Variants in TMEM51 observed in about 807,000 individuals in gnomAD.
TMEM51 encodes the protein chromosome 1 open reading frame 72.
In TMEM51, 8 loss-of-function variants were observed where a neutral mutation model predicts 13.6. That is an observed-to-expected ratio of 0.59 (90% confidence interval 0.35 to 1.07). The LOEUF (loss-of-function observed/expected upper bound fraction) is 1.07, where lower values mean the gene tolerates loss of function less well. Ranked by LOEUF, TMEM51 falls within the 50% of genes least tolerant of loss-of-function variation. The pLI, the probability that TMEM51 is intolerant of heterozygous loss-of-function variation, is 0.02. For synonymous variants in TMEM51, 147 were observed against 144.4 expected, an observed-to-expected ratio of 1.02 and a Z score of -0.13; for missense variants, 279 against 330.7, an observed-to-expected ratio of 0.84 and a Z score of 1.21.
At chr1:15,160,094 TTA>T (rs1642724326) in intron 1 of TMEM51, among the ~76,000 whole-genome samples, 1 of 152,154 alleles carries the variant, frequency 6.6e-6, no homozygotes. Context: ...TTGGGCAATT[TTA>T]TGTCTTTTCC....
chr1:15,168,813 T>C, intron 1 of TMEM51: 1 of 1,280,230 alleles, frequency 7.8e-7, no homozygotes, highest in Non-Finnish European at 1.0e-6. Context: ...GGGGAATTCC[T>C]GGGAGTCAGA....
intron 1 of TMEM51, among the ~76,000 whole-genome samples, chr1:15,162,960 T>C (rs1266043449): frequency 6.6e-6 from 1 of 151,250 alleles, no homozygotes; most frequent in African/African-American, 2.5e-5. Context: ...GCAGTATGAA[T>C]GTACTTAATG....
chr1:15,202,078 A>C (rs951797469), intron 1 of TMEM51, among the ~76,000 whole-genome samples: 6 of 152,214 alleles, frequency 3.9e-5, no homozygotes, highest in African/African-American at 1.4e-4. Context: ...CTCAAGCACG[A>C]GAATACCTTT....
At chr1:15,176,877 T>C (rs1166787721) in intron 1 of TMEM51, among the ~76,000 whole-genome samples, 1 of 152,144 alleles carries the variant, frequency 6.6e-6, no homozygotes, top group Non-Finnish European at 1.5e-5. Flanking sequence ...GTTATCACCA[T>C]CAGCCAGGCC....
intron 1 of TMEM51, among the ~76,000 whole-genome samples, chr1:15,205,318 G>C (rs1644230218): frequency 6.6e-6 from 1 of 152,144 alleles, no homozygotes; most frequent in African/African-American, 2.4e-5. Context: ...TTTGGAGTCG[G>C]GGAGGGAAGC....
At chr1:15,169,910 T>G (rs756397035) in intron 1 of TMEM51, among the ~76,000 whole-genome samples, 1 of 152,240 alleles carries the variant, frequency 6.6e-6, no homozygotes, top group Non-Finnish European at 1.5e-5. Context: ...TAATTTTTAT[T>G]CCCTTTCTCC....
intron 1 of TMEM51, among the ~76,000 whole-genome samples, chr1:15,188,493 G>T (rs1017773341): frequency 2.0e-5 from 3 of 152,204 alleles, no homozygotes; most frequent in African/African-American, 4.8e-5. Context: ...ACCCAGGGCA[G>T]CCCAGCTCAC....
chr1:15,199,888 C>CGTAG (rs1321483704), intron 1 of TMEM51, among the ~76,000 whole-genome samples: 1 of 152,082 alleles, frequency 6.6e-6, no homozygotes, highest in African/African-American at 2.4e-5. Flanking sequence ...AAGTGGGGAC[C>CGTAG]GTAGCACTTC....
chr1:15,182,375 C>G (rs905902484), intron 1 of TMEM51, among the ~76,000 whole-genome samples: 3 of 152,130 alleles, frequency 2.0e-5, no homozygotes, highest in African/African-American at 7.2e-5. Flanking sequence ...CCTGCCCAAT[C>G]GGACTGTCGT....
chr1:15,162,265 C>T (rs1041875031), intron 1 of TMEM51, among the ~76,000 whole-genome samples: 7 of 152,056 alleles, frequency 4.6e-5, no homozygotes, highest in African/African-American at 9.7e-5. Flanking sequence ...TGGGTTCATG[C>T]GATTCTCATG....
chr1:15,194,064 A>G (rs1643995492), intron 1 of TMEM51, among the ~76,000 whole-genome samples: 1 of 152,254 alleles, frequency 6.6e-6, no homozygotes, highest in Admixed American at 6.5e-5. Flanking sequence ...GGCCTGTGCC[A>G]GGCTTGTTCT....
At chr1:15,169,395 T>C (rs572319606) in intron 1 of TMEM51, among the ~76,000 whole-genome samples, 37 of 151,646 alleles carry the variant, frequency 2.4e-4, no homozygotes, top group African/African-American at 7.5e-4. Flanking sequence ...TTTTTTTTTT[T>C]ACTTTGTCTT....
intron 1 of TMEM51, among the ~76,000 whole-genome samples, chr1:15,160,810 T>A (rs1404111749): frequency 1.3e-5 from 2 of 151,874 alleles, no homozygotes; most frequent in African/African-American, 4.9e-5. Context: ...TCCTGATACA[T>A]ATGGTATGCC....
At chr1:15,217,027 G>T (rs1455054826) in intron 3 of TMEM51, among the ~76,000 whole-genome samples, 1 of 152,122 alleles carries the variant, frequency 6.6e-6, no homozygotes, top group African/African-American at 2.4e-5. Context: ...CTTTATAGTG[G>T]GAAGGGAATT....
At chr1:15,172,451 G>A (rs1279397607) in intron 1 of TMEM51, among the ~76,000 whole-genome samples, 1 of 150,428 alleles carries the variant, frequency 6.6e-6, no homozygotes, top group East Asian at 1.9e-4. Context: ...GAATGGAAAG[G>A]AAGGAAGGAG....
chr1:15,198,104 T>C (rs1387748483), intron 1 of TMEM51, among the ~76,000 whole-genome samples: 1 of 152,146 alleles, frequency 6.6e-6, no homozygotes, highest in African/African-American at 2.4e-5. Flanking sequence ...GCTCTGCCAG[T>C]CTCTACCTCA....
rs902338709 is a variant in TMEM51 at position 15,213,848 on chromosome 1, CT to C, written c.-193-1037del. Among the ~76,000 whole-genome samples, 576 of 150,128 alleles carry C rather than the reference CT, an allele frequency of 3.8e-3. 4 individuals carry two copies. The highest frequency in any genetic ancestry group is 0.013 in the African/African-American group (541 of 40,916). On this transcript the variant is annotated intron_variant, in intron 2 of 3. Transcript: ENST00000376008. ...TTTCATCCAACATTGACTCTGCAAA[CT>C]TTTTTTTTTCGAGACAGAGTCTTGC...
chr1:15,214,995 G>A lies in TMEM51; in HGVS notation c.-93G>A. ...TTTCTAGTGTGGGGCGAGAGATTTT[G>A]TGGAGCGCATTTAAGGGGTTTTTGT... On this transcript the variant is annotated 5_prime_UTR_variant, in exon 3 of 4. The change creates a new upstream start codon in the 5' untranslated region. Transcript: ENST00000376008. 1 of 1,195,906 alleles carries A rather than the reference G, an allele frequency of 8.4e-7. No homozygotes were observed. The allele number at this position is 1,195,906 out of a possible 1,614,324, so 74.1% of individuals were successfully genotyped here. A position where few individuals can be genotyped will look rare whatever the true frequency, so the allele number is the denominator to read the frequency against.
intron 1 of TMEM51, among the ~76,000 whole-genome samples, chr1:15,200,068 C>T (rs1305730837): frequency 1.3e-5 from 2 of 152,042 alleles, no homozygotes; most frequent in African/African-American, 4.8e-5. Flanking sequence ...GTTGAAGCCC[C>T]CTGTCCCCAG....
Sources: allele counts gnomAD v4.1 joint callset (sites outside exome capture counted in the v4.1 genomes callset), GRCh38; gene constraint gnomAD v4.1.1; transcripts MANE v1.5; gene names NCBI Gene and HGNC (gene_info 2026-07-23, HGNC 2026-07-21).